CDH4: variants seen among roughly 807,000 people sequenced by gnomAD.
The protein encoded by CDH4 is cadherin-4.
Under a neutral mutation model 86.0 loss-of-function variants are expected in CDH4, and 33 were observed. The observed-to-expected ratio is 0.38, with a 90% CI of 0.29 to 0.51. The LOEUF is 0.51. CDH4 is among the 20% of genes least tolerant of loss of function. The pLI is 0.86. For synonymous variants in CDH4, 555 were observed against 549.4 expected (o/e 1.01, Z -0.14); for missense variants, 1,114 against 1,307.4 (o/e 0.85, Z 2.28).
intron 2 of CDH4, among the ~76,000 whole-genome samples, chr20:61,361,010 G>T (rs550599170): frequency 1.3e-5 from 2 of 152,116 alleles, no homozygotes; most frequent in Admixed American, 1.3e-4. Flanking sequence ...TTCCAAAAAG[G>T]GGATGCCCTT....
intron 2 of CDH4, among the ~76,000 whole-genome samples, chr20:61,495,955 C>T (rs1264897512): frequency 2.0e-5 from 3 of 148,936 alleles, no homozygotes; most frequent in Non-Finnish European, 3.0e-5. Context: ...GGACACACAG[C>T]AGGAGAGAGG....
intron 4 of CDH4, among the ~76,000 whole-genome samples, chr20:61,787,337 A>T (rs1978937999): frequency 6.6e-6 from 1 of 152,228 alleles, no homozygotes; most frequent in Non-Finnish European, 1.5e-5. Context: ...TCATGGTGGA[A>T]GGGGAAGCAA....
intron 4 of CDH4, among the ~76,000 whole-genome samples, chr20:61,799,001 T>C (rs1979696026): frequency 6.6e-6 from 1 of 152,250 alleles, no homozygotes; most frequent in Non-Finnish European, 1.5e-5. Flanking sequence ...TTCACTAAGC[T>C]CAAGGCTTTC....
chr20:61,325,808 A>T (rs1480820346), intron 2 of CDH4, among the ~76,000 whole-genome samples: 2 of 152,230 alleles, frequency 1.3e-5, no homozygotes, highest in African/African-American at 2.4e-5. Context: ...TGCCTCCAAC[A>T]AAGCTAACAG....
chr20:61,800,355 A>G (rs953713762), intron 4 of CDH4, among the ~76,000 whole-genome samples: 1 of 151,926 alleles, frequency 6.6e-6, no homozygotes, highest in Non-Finnish European at 1.5e-5. Flanking sequence ...CTCCTTGGGC[A>G]CTCCCTTTAG....
intron 2 of CDH4, among the ~76,000 whole-genome samples, chr20:61,284,453 A>G (rs1220530749): frequency 6.6e-6 from 1 of 152,204 alleles, no homozygotes; most frequent in Non-Finnish European, 1.5e-5. Context: ...TCTTCCACCT[A>G]CAAACACAGC....
intron 8 of CDH4, among the ~76,000 whole-genome samples, chr20:61,910,119 T>C (rs187215937): frequency 1.2e-3 from 182 of 152,358 alleles, no homozygotes; most frequent in African/African-American, 4.1e-3. Flanking sequence ...GTTCTGTTTG[T>C]GAACACTCGT....
intron 14 of CDH4, 88 bp downstream of exon 14, chr20:61,933,212 CA>C: frequency 6.7e-7 from 1 of 1,498,096 alleles, no homozygotes; most frequent in Non-Finnish European, 9.1e-7. Context: ...TGGGGTTTAA[CA>C]GTAAGACATT....
intron 2 of CDH4, among the ~76,000 whole-genome samples, chr20:61,409,366 A>G (rs770997485): frequency 6.6e-6 from 1 of 152,256 alleles, no homozygotes; most frequent in Non-Finnish European, 1.5e-5. Flanking sequence ...CCATAAGGCA[A>G]TAAAATGTGT....
Position 61,377,060 on chromosome 20 carries a change from C to A in CDH4, c.169+122123C>A, listed in dbSNP as rs1415073692. On this transcript the variant is annotated intron_variant, in intron 2 of 15. Coordinates refer to ENST00000614565, the MANE Select transcript of CDH4 (RefSeq NM_001794.5). This position sits in a 1 kb window ranked among gnomAD's most constrained non-coding sequence, Gnocchi z 4.0. ...GATCAAAATATGAACGTGCACCCAC[C>A]ACCAACACGTGAGGGCGGCTGCTGT... Among the ~76,000 whole-genome samples the A allele has an allele frequency of 6.6e-6, 1 of 152,136 alleles. No individual in the cohort carries two copies. Among genetic ancestry groups the A allele is most frequent in the East Asian group, 1.9e-4 (1 of 5,186 alleles).
chr20:61,280,489 G>T (rs998768907), intron 2 of CDH4, among the ~76,000 whole-genome samples: 1 of 152,176 alleles, frequency 6.6e-6, no homozygotes, highest in African/African-American at 2.4e-5. Flanking sequence ...CCAACATGGC[G>T]GTGGGGGCCG....
At chr20:61,609,331 C>T (rs2086667505) in intron 2 of CDH4, among the ~76,000 whole-genome samples, 1 of 152,116 alleles carries the variant, frequency 6.6e-6, no homozygotes, top group African/African-American at 2.4e-5. Context: ...TGTGCTCCAC[C>T]GGGCAGCCTT....
At chr20:61,452,574 C>G (rs2085386848) in intron 2 of CDH4, among the ~76,000 whole-genome samples, 1 of 152,204 alleles carries the variant, frequency 6.6e-6, no homozygotes, top group Non-Finnish European at 1.5e-5. Context: ...GTTGAAGCAT[C>G]TCATCTGGTG....
At chr20:61,650,949 T>G (rs2087114020) in intron 2 of CDH4, among the ~76,000 whole-genome samples, 1 of 152,248 alleles carries the variant, frequency 6.6e-6, no homozygotes, top group African/African-American at 2.4e-5. Context: ...AGGGCTAACA[T>G]CGAACCTTTA....
At chr20:61,573,654 G>A (rs2086361833) in intron 2 of CDH4, among the ~76,000 whole-genome samples, 1 of 152,132 alleles carries the variant, frequency 6.6e-6, no homozygotes, top group Non-Finnish European at 1.5e-5. Flanking sequence ...ATGTTCCGCT[G>A]AGCAGCATGA....
At position 61,533,856 on chromosome 20, in the gene CDH4, G is replaced by A. The variant is rs541067894; in HGVS notation, c.170-209707G>A. 3.3e-5 allele frequency among the ~76,000 whole-genome samples: 5 copies of A among 152,306 alleles called. 1 individual carries two copies. In the South Asian group the frequency reaches 6.2e-4, roughly 19 times the overall value. ...AAATGTGTTTAAAACCTCAATATGG[G>A]ACCAAAGATGCTTCTAGAAAAGTAA... is the stretch of plus-strand genomic sequence containing the variant. On this transcript the variant is annotated intron_variant, in intron 2 of 15. Coordinates refer to ENST00000614565, the MANE Select transcript of CDH4 (RefSeq NM_001794.5).
chr20:61,470,872 C>T (rs1309713902), intron 2 of CDH4, among the ~76,000 whole-genome samples: 1 of 152,082 alleles, frequency 6.6e-6, no homozygotes, highest in Non-Finnish European at 1.5e-5. Flanking sequence ...ATCTTCGCAT[C>T]CCTGGGATAA....
intron 2 of CDH4, among the ~76,000 whole-genome samples, chr20:61,668,330 A>G (rs1243372022): frequency 1.3e-5 from 2 of 152,240 alleles, no homozygotes; most frequent in Admixed American, 1.3e-4. Context: ...GGCAGGGGGA[A>G]TTTAGCCCAG....
At chr20:61,385,442 C>T (rs919797367) in intron 2 of CDH4, among the ~76,000 whole-genome samples, 9 of 144,152 alleles carry the variant, frequency 6.2e-5, no homozygotes, top group Middle Eastern at 3.2e-3. Context: ...GTGCCACTGA[C>T]GAAATCCCCG....
Sources: allele counts gnomAD v4.1 joint callset (sites outside exome capture counted in the v4.1 genomes callset), GRCh38; gene constraint gnomAD v4.1.1; non-coding constraint Gnocchi (gnomAD v3.1); transcripts MANE v1.5; gene names NCBI Gene and HGNC (gene_info 2026-07-23, HGNC 2026-07-21).